Variants in AIM2 observed in about 807,000 individuals in gnomAD.
AIM2 encodes the protein absent in melanoma 2.
Under a neutral mutation model 27.7 loss-of-function variants are expected in AIM2, and 30 were observed. The ratio of observed to expected loss-of-function variants is 1.08; its 90% CI spans 0.81 to 1.47. AIM2 has a LOEUF of 1.47. Ranked by LOEUF, AIM2 falls within the 40% of genes most tolerant of loss-of-function variation. The pLI, the probability that AIM2 is intolerant of heterozygous loss-of-function variation, is 0.00. For synonymous variants in AIM2, 141 were observed against 145.3 expected, an observed-to-expected ratio of 0.97 and a Z score of 0.21; for missense variants, 358 against 411.3, an observed-to-expected ratio of 0.87 and a Z score of 1.12.
chr1:159,085,994 C>A (rs1395984640), intron 1 of AIM2, among the ~76,000 whole-genome samples: 4 of 152,110 alleles, frequency 2.6e-5, no homozygotes, highest in African/African-American at 9.7e-5. Context: ...CAAAACATCA[C>A]GTTGTATACT....
At position 159,132,521 on chromosome 1, in the gene AIM2, A is replaced by T. The variant is rs1384177452; in HGVS notation, c.-16+7910T>A. Among the ~76,000 whole-genome samples the T allele has an allele frequency of 3.9e-5, 6 of 152,220 alleles. No homozygotes were observed. In the East Asian group the frequency reaches 1.2e-3, roughly 29 times the overall value. ...AATGAATGTGAAAAAGAACGGACTC[A>T]GACACACCCACATTTCAAGAATTAA... On this transcript the variant is annotated intron_variant, in intron 1 of 2. Coordinates refer to the AIM2 transcript ENST00000368129.
At chr1:159,132,370 A>T (rs377717654) in intron 1 of AIM2, 1 of 151,962 alleles carries the variant, frequency 6.6e-6, no homozygotes, top group Non-Finnish European at 1.5e-5. Flanking sequence ...GACAACAAGA[A>T]CAAAACTCTG....
At position 159,062,626 on chromosome 1, in the gene AIM2, G is replaced by C. The variant is rs1007085407; in HGVS notation, c.*66C>G. 1.4e-6 allele frequency: 2 copies of C among 1,460,330 alleles called. No individual in the cohort carries two copies. Among genetic ancestry groups the C allele is most frequent in the Admixed American group, 3.4e-5 (2 of 58,394 alleles). 90.5% of individuals were successfully genotyped at this position (1,460,330 alleles called of 1,614,324 possible). ...AACTTACAATCTGATTGAAGAGGCT[G>C]TATCACATATTCTTCAATTAAATGC... On this transcript the variant is annotated 3_prime_UTR_variant, in exon 6 of 6. Transcript: ENST00000368130.
chr1:159,122,841 A>G (rs1647575768), intron 1 of AIM2, among the ~76,000 whole-genome samples: 1 of 152,186 alleles, frequency 6.6e-6, no homozygotes, highest in Admixed American at 6.5e-5. Flanking sequence ...TTTAGTGGCA[A>G]TTCTGACCCA....
At chr1:159,098,045 A>G (rs369132496) in intron 1 of AIM2, among the ~76,000 whole-genome samples, 24 of 152,204 alleles carry the variant, frequency 1.6e-4, no homozygotes, top group African/African-American at 5.8e-4. Flanking sequence ...GTGAATTCAG[A>G]TATCTTAAGC....
At chr1:159,098,861 C>A (rs1657256390) in intron 1 of AIM2, among the ~76,000 whole-genome samples, 1 of 152,126 alleles carries the variant, frequency 6.6e-6, no homozygotes, top group Non-Finnish European at 1.5e-5. Context: ...CAAACACACT[C>A]CTGAGATAGT....
upstream of AIM2, among the ~76,000 whole-genome samples, chr1:159,078,114 T>C (rs1331135793): frequency 6.6e-6 from 1 of 152,236 alleles, no homozygotes; most frequent in African/African-American, 2.4e-5. Flanking sequence ...TCAGCTCAAA[T>C]AGCACCTTAT....
chr1:159,062,556 C>G lies in AIM2; in HGVS notation c.*136G>C, dbSNP rs1405851668. On this transcript the variant is annotated 3_prime_UTR_variant, in exon 6 of 6. Transcript: ENST00000368130. ...TTTGTTTATCCAGCAATTATTCTAT[C>G]CTAATTTGGTGGAGAGAGGAGCCTG... 2 of 731,804 alleles carry G rather than the reference C, an allele frequency of 2.7e-6. No individual in the cohort carries two copies. Among genetic ancestry groups the G allele is most frequent in the African/African-American group, 3.6e-5 (2 of 55,720 alleles). 45.3% of individuals were successfully genotyped at this position (731,804 alleles called of 1,614,324 possible).
At chr1:159,115,330 CT>C (rs1185042438) in intron 1 of AIM2, among the ~76,000 whole-genome samples, 2 of 152,302 alleles carry the variant, frequency 1.3e-5, no homozygotes, top group East Asian at 3.9e-4. Context: ...TTGGAAAAAA[CT>C]ACTTTAAAGT....
intron 3 of AIM2, among the ~76,000 whole-genome samples, chr1:159,066,689 A>G (rs1000956943): frequency 2.0e-5 from 3 of 152,202 alleles, no homozygotes; most frequent in Admixed American, 6.5e-5. Context: ...TCTTCTATCA[A>G]TTCCATTCGG....
chr1:159,141,116 A>T (rs750322587), upstream of AIM2, among the ~76,000 whole-genome samples: 3 of 152,156 alleles, frequency 2.0e-5, no homozygotes, highest in Non-Finnish European at 2.9e-5. Context: ...TAGCTGACAG[A>T]CAGTGCAAGA....
Position 159,063,667 on chromosome 1 carries a change from T to C in AIM2, c.824A>G (p.Glu275Gly). 6.2e-7 allele frequency: 1 copy of C among 1,611,698 alleles called. No individual in the cohort carries two copies. Among genetic ancestry groups the C allele is most frequent in the East Asian group, 2.2e-5 (1 of 44,856 alleles). The change falls in exon 5 of 6, where the codon GAA becomes GGA. Residue 275 changes from glutamate (E) to glycine (G), a missense_variant. By Grantham distance (98) the Glu-to-Gly change is moderately conservative. Coordinates refer to ENST00000368130, the MANE Select transcript of AIM2 (RefSeq NM_004833.3). The stretch of plus-strand genomic sequence containing the variant: ...GTCAAATAATATGTTTTTCTTCTTT[T>C]CTGTTACCTATAAAAGAAAATCAAC... ...NGLFVVQKVT[E>G]KKKNILFDLS... is the part of the protein sequence containing the mutation.
intron 1 of AIM2, among the ~76,000 whole-genome samples, chr1:159,086,163 T>C (rs1656907888): frequency 6.6e-6 from 1 of 152,192 alleles, no homozygotes; most frequent in South Asian, 2.1e-4. Context: ...TACCCATCAT[T>C]CTATGATGTT....
At chr1:159,112,894 C>G (rs1214196273) in intron 1 of AIM2, among the ~76,000 whole-genome samples, 2 of 150,816 alleles carry the variant, frequency 1.3e-5, no homozygotes, top group African/African-American at 4.9e-5. Flanking sequence ...TTTCAGAATA[C>G]AGTTTTATAC....
intron 1 of AIM2, among the ~76,000 whole-genome samples, chr1:159,120,201 A>G (rs777983404): frequency 2.0e-5 from 3 of 152,202 alleles, no homozygotes; most frequent in Non-Finnish European, 2.9e-5. Context: ...AATATCAAGA[A>G]TAAAACTACT....
At chr1:159,085,160 T>G (rs1233039493) in intron 1 of AIM2, among the ~76,000 whole-genome samples, 1 of 152,146 alleles carries the variant, frequency 6.6e-6, no homozygotes, top group Non-Finnish European at 1.5e-5. Flanking sequence ...AGCCAGGTTC[T>G]CATGTTGATG....
At chr1:159,112,968 G>A (rs1326225326) in intron 1 of AIM2, among the ~76,000 whole-genome samples, 3 of 139,674 alleles carry the variant, frequency 2.1e-5, no homozygotes, top group East Asian at 2.0e-4. Flanking sequence ...TTTTTGGGAC[G>A]GAGTCTCACT....
chr1:159,146,171 A>G (rs999353551), intron 1 of AIM2, among the ~76,000 whole-genome samples: 1 of 152,064 alleles, frequency 6.6e-6, no homozygotes, highest in Non-Finnish European at 1.5e-5. Flanking sequence ...TCTTTGGTCA[A>G]GAAGGATGAG....
At chr1:159,102,868 T>C (rs1268519734) in intron 1 of AIM2, among the ~76,000 whole-genome samples, 3 of 152,210 alleles carry the variant, frequency 2.0e-5, no homozygotes, top group Non-Finnish European at 4.4e-5. Flanking sequence ...ACTTGCCTTA[T>C]CTCAGACGAG....
Sources: allele counts gnomAD v4.1 joint callset (sites outside exome capture counted in the v4.1 genomes callset), GRCh38; gene constraint gnomAD v4.1.1; transcripts MANE v1.5; gene names NCBI Gene and HGNC (gene_info 2026-07-23, HGNC 2026-07-21).